Variants in POSTN observed in about 807,000 individuals in gnomAD.
POSTN encodes periostin.
In POSTN, 71 loss-of-function variants were observed where a neutral mutation model predicts 104.5. The ratio of observed to expected loss-of-function variants is 0.68; its 90% confidence interval spans 0.56 to 0.83. The LOEUF is 0.83. Among genes scored for constraint, POSTN ranks in the 40% least tolerant of loss-of-function variants. The probability of loss-of-function intolerance (pLI) is 0.00; values close to 1 mark genes in which losing one functional copy is unlikely to be tolerated. For synonymous variants in POSTN, 355 were observed against 340.7 expected, an observed-to-expected ratio of 1.04 and a Z score of -0.46; for missense variants, 949 against 1,006.8, an observed-to-expected ratio of 0.94 and a Z score of 0.78.
chr13:37,581,847 A>AGATC (rs1950598690), intron 10 of POSTN, among the ~76,000 whole-genome samples: 2 of 152,376 alleles, frequency 1.3e-5, no homozygotes, highest in African/African-American at 4.8e-5. Flanking sequence ...TTACAGTATA[A>AGATC]GATCACCTTG....
intron 3 of POSTN, among the ~76,000 whole-genome samples, chr13:37,591,553 A>G (rs1566034546): frequency 6.6e-6 from 1 of 152,188 alleles, no homozygotes; most frequent in African/African-American, 2.4e-5. Context: ...GTGTCATATT[A>G]AAAGAATTGG....
rs149041638 is a variant in POSTN at position 37,596,057 on chromosome 13, C to T, written c.218+1127G>A. ...CCACAAGTGATCCACCTGTCTCAGC[C>T]CCCCCAAAGTGCTGGGATTACAGGT... On this transcript the variant is annotated intron_variant, in intron 2 of 22. Transcript: ENST00000379747. Among the ~76,000 whole-genome samples the T allele has an allele frequency of 4.1e-3, 616 of 152,090 alleles. 7 individuals are homozygous for T. Among genetic ancestry groups the T allele is most frequent in the African/African-American group, 0.014 (570 of 41,506 alleles).
At chr13:37,570,919 T>C (rs996622076) in intron 18 of POSTN, 1 of 382,092 alleles carries the variant, frequency 2.6e-6, no homozygotes, top group Non-Finnish European at 4.8e-6. Flanking sequence ...ATACTTGTTT[T>C]CTGGATGTGG....
intron 16 of POSTN, among the ~76,000 whole-genome samples, chr13:37,575,063 A>G (rs1243597139): frequency 1.3e-5 from 2 of 152,056 alleles, no homozygotes; most frequent in African/African-American, 2.4e-5. Flanking sequence ...TTTCTCAATT[A>G]AAAGAAAAAA....
intron 3 of POSTN, 104 bp downstream of exon 3, chr13:37,591,996 G>A: frequency 1.5e-6 from 1 of 658,262 alleles, no homozygotes; most frequent in Non-Finnish European, 2.7e-6. Flanking sequence ...CTTGGATTTA[G>A]GATGGTGCTG....
At chr13:37,570,455 A>G (rs549589688) in intron 19 of POSTN, 125 bp downstream of exon 19, 16 of 627,278 alleles carry the variant, frequency 2.6e-5, no homozygotes, top group African/African-American at 2.2e-4. Context: ...CTGCCAAAAT[A>G]TGAAGTAACT....
intron 17 of POSTN, among the ~76,000 whole-genome samples, chr13:37,572,800 T>C (rs2138198204): frequency 6.6e-6 from 1 of 151,754 alleles, no homozygotes; most frequent in African/African-American, 2.4e-5. Context: ...AGTAAGAATT[T>C]AAAAGTCATC....
At chr13:37,564,699 T>C (rs1950038882) in intron 21 of POSTN, 139 bp from the exon 22 acceptor site, 1 of 477,412 alleles carries the variant, frequency 2.1e-6, no homozygotes, top group Non-Finnish European at 3.8e-6. Context: ...AGTTAAATTT[T>C]ATGATCCTCA....
In POSTN at chr13:37,579,068, C is replaced by A. The variant is rs1950503070; in HGVS notation, c.1845G>T (p.Met615Ile). 1.1e-5 allele frequency: 18 copies of A among 1,613,214 alleles called. No homozygotes were observed. Among genetic ancestry groups the A allele is most frequent in the Non-Finnish European group, 1.3e-5 (15 of 1,179,652 alleles). Reference sequence around the variant, plus strand: ...CAACATGAATTACACCATTTGTTGTCATGATGTCAGATTCTTTTGATTTCA... The same window carrying A: ...CAACATGAATTACACCATTTGTTGTAATGATGTCAGATTCTTTTGATTTCA... ...NELKSKESDI[M>I]TTNGVIHVVD... Residue 615 changes from methionine (M) to isoleucine (I), a missense_variant, in exon 14 of 23, where the codon ATG (methionine) becomes ATT (isoleucine). Physicochemically the swap from Met to Ile is conservative, Grantham distance 10 (BLOSUM62 1). Transcript: ENST00000379747.
At chr13:37,592,425 A>T (rs1462318771) in intron 2 of POSTN, among the ~76,000 whole-genome samples, 1 of 152,020 alleles carries the variant, frequency 6.6e-6, no homozygotes, top group Non-Finnish European at 1.5e-5. Context: ...CAACCTCCCG[A>T]GTAGCTGGGA....
In POSTN at chr13:37,587,822, C is replaced by T. The variant is rs1229286488; in HGVS notation, c.606G>A (p.Gly202=). The change falls in exon 5 of 23, where the codon GGG becomes GGA. Residue 202 remains glycine (G), a splice_region_variant and synonymous_variant. Coordinates refer to ENST00000379747, the MANE Select transcript of POSTN (RefSeq NM_006475.3). ...LGLFINHYPN[G]VVTVNCARII... ...TGTACTTTTTACTGATAAAACTTACCCCATTAGGATAATGGTTAATGAAAA... is the reference window on the plus strand; with the variant it reads ...TGTACTTTTTACTGATAAAACTTACTCCATTAGGATAATGGTTAATGAAAA... The T allele has an allele frequency of 1.2e-5, 19 of 1,566,074 alleles. No individual in the cohort carries two copies. The highest frequency in any genetic ancestry group is 4.6e-5 in the East Asian group (2 of 43,586).
At chr13:37,589,092 T>C (rs776161622) in intron 4 of POSTN, among the ~76,000 whole-genome samples, 16 of 152,124 alleles carry the variant, frequency 1.1e-4, no homozygotes, top group South Asian at 2.1e-4. Context: ...CAATTATTTA[T>C]TGGGGGGAAA....
intron 4 of POSTN, among the ~76,000 whole-genome samples, chr13:37,589,292 A>G (rs1950854099): frequency 6.6e-6 from 1 of 152,190 alleles, no homozygotes; most frequent in African/African-American, 2.4e-5. Context: ...GCATTTAAAG[A>G]GCAGAGTCAA....
intron 5 of POSTN, 41 bp from the exon 6 acceptor site, chr13:37,586,969 T>A (rs757856722): frequency 2.4e-5 from 39 of 1,597,928 alleles, no homozygotes; most frequent in Middle Eastern, 1.7e-4. Context: ...AAACCAGAGA[T>A]ACCCATTGAC....
At chr13:37,586,042 G>T in intron 7 of POSTN, 97 bp downstream of exon 7, 2 of 1,243,718 alleles carry the variant, frequency 1.6e-6, no homozygotes, top group Non-Finnish European at 2.2e-6. Flanking sequence ...CCCTGCCTTT[G>T]CTTATTAAAA....
At chr13:37,582,274 C>T (rs934094455) in intron 10 of POSTN, 92 bp downstream of exon 10, 1 of 1,395,208 alleles carries the variant, frequency 7.2e-7, no homozygotes, top group Non-Finnish European at 9.7e-7. Context: ...ACTATTAGAA[C>T]CACACTCATA....
Position 37,567,374 on chromosome 13 carries a change from A to G in POSTN, c.2431+1926T>C, listed in dbSNP as rs532743618. The stretch of plus-strand genomic sequence containing the variant: ...TATGTATTAATTGGCCAGACCTTGG[A>G]AAAAAAAAAAGTCTTACATAGTGTA... On this transcript the variant is annotated intron_variant, in intron 21 of 22. Coordinates refer to ENST00000379747, the MANE Select transcript of POSTN (RefSeq NM_006475.3). Among the ~76,000 whole-genome samples the G allele has an allele frequency of 4.6e-4, 62 of 133,906 alleles. No homozygotes were observed. The South Asian group carries it at 8.0e-3, about 17-fold the overall frequency. 87.8% of individuals were successfully genotyped at this position (133,906 alleles called of 152,430 possible). A position where few individuals can be genotyped will look rare whatever the true frequency, so the allele number is the denominator to read the frequency against.
chr13:37,579,714 C>G, intron 12 of POSTN, 147 bp downstream of exon 12: 2 of 896,448 alleles, frequency 2.2e-6, no homozygotes, highest in Non-Finnish European at 3.3e-6. Flanking sequence ...CCACACATCC[C>G]AAGTGGACGA....
At chr13:37,586,722 A>T in intron 6 of POSTN, 60 bp downstream of exon 6, 1 of 1,495,320 alleles carries the variant, frequency 6.7e-7, no homozygotes, top group Non-Finnish European at 9.1e-7. Flanking sequence ...TTGTTTTTAG[A>T]TTTTGACAGG....
Sources: gnomAD v4.1 joint callset for allele counts (sites outside exome capture counted in the v4.1 genomes callset) on GRCh38, gnomAD v4.1.1 for gene constraint, MANE v1.5 for transcripts, NCBI Gene and HGNC (gene_info 2026-07-23, HGNC 2026-07-21) for gene names.